The following DOP1B variants were observed in gnomAD, a reference collection of about 807,000 sequenced individuals.
DOP1B encodes the protein DOP1 leucine zipper like protein B.
DOP1B carries 174 observed loss-of-function variants against 233.5 expected under a neutral mutation model. The observed-to-expected ratio is 0.75, with a 90% confidence interval of 0.66 to 0.85. The LOEUF is 0.85. Ranked by LOEUF, DOP1B falls within the 40% of genes least tolerant of loss-of-function variation. The pLI is 0.00. For synonymous variants in DOP1B, 1,190 were observed against 1,185.6 expected (o/e 1.00, Z -0.08); for missense variants, 2,652 against 2,846.6 (o/e 0.93, Z 1.56).
chr21:36,281,266 A>C (rs1474633699), intron 31 of DOP1B, among the ~76,000 whole-genome samples: 1 of 152,250 alleles, frequency 6.6e-6, no homozygotes, highest in East Asian at 1.9e-4. Context: ...ACTGCACTCC[A>C]GGCTGGGTGA....
chr21:36,215,743 G>T (rs183303834), intron 9 of DOP1B, among the ~76,000 whole-genome samples: 1 of 150,056 alleles, frequency 6.7e-6, no homozygotes, highest in East Asian at 2.1e-4. Context: ...GACCAGGCAC[G>T]GTGGCTCACA....
chr21:36,252,761 C>T (rs1487444039), intron 22 of DOP1B, among the ~76,000 whole-genome samples: 3 of 152,170 alleles, frequency 2.0e-5, no homozygotes, highest in Non-Finnish European at 2.9e-5. Flanking sequence ...CCGCCTGCCT[C>T]GGCCTCCCAA....
chr21:36,275,425 G>A (rs189611753), intron 27 of DOP1B, among the ~76,000 whole-genome samples: 4 of 151,898 alleles, frequency 2.6e-5, no homozygotes, highest in East Asian at 2.0e-4. Flanking sequence ...CCAGGAGTTC[G>A]AGACCAGCCT....
At chr21:36,188,060 G>A (rs1204800938) in intron 2 of DOP1B, among the ~76,000 whole-genome samples, 2 of 152,216 alleles carry the variant, frequency 1.3e-5, no homozygotes. Context: ...GCAGAAGATG[G>A]AGTTAGCCTG....
At chr21:36,165,578 G>C (rs2065902655) in intron 2 of DOP1B, among the ~76,000 whole-genome samples, 1 of 152,152 alleles carries the variant, frequency 6.6e-6, no homozygotes, top group Non-Finnish European at 1.5e-5. Context: ...CACAGCAGGA[G>C]GTGAGCGGTG....
At position 36,166,418 on chromosome 21, in the gene DOP1B, C is replaced by A. The variant is rs570766974; in HGVS notation, c.138+1547C>A. On this transcript the variant is annotated intron_variant, in intron 2 of 36. Coordinates refer to ENST00000691173, the MANE Select transcript of DOP1B (RefSeq NM_001320714.2). ...CACCACTGCCCTCCATCCTGGGTGA[C>A]AGAGCAAGACTCCGTCTCAAAAAAA... 2.6e-4 allele frequency among the ~76,000 whole-genome samples: 40 copies of A among 151,048 alleles called. 1 individual carries two copies. In the South Asian group the frequency reaches 8.0e-3, roughly 30 times the overall value.
intron 15 of DOP1B, among the ~76,000 whole-genome samples, chr21:36,236,813 A>G (rs181877651): frequency 3.5e-4 from 39 of 112,154 alleles, no homozygotes; most frequent in Non-Finnish European, 5.3e-4. Flanking sequence ...GTCTCACTCT[A>G]TTGCCCAGGC....
intron 23 of DOP1B, among the ~76,000 whole-genome samples, chr21:36,254,381 G>C (rs2067068138): frequency 6.6e-6 from 1 of 152,150 alleles, no homozygotes; most frequent in South Asian, 2.1e-4. Context: ...GAGATGACTG[G>C]GAAAGGATGA....
chr21:36,163,365 A>G, intron 1 of DOP1B, among the ~76,000 whole-genome samples: 1 of 151,366 alleles, frequency 6.6e-6, no homozygotes, highest in Admixed American at 6.6e-5. Flanking sequence ...AAAAAGAAAG[A>G]AAGAAAGTAG....
At chr21:36,280,083 C>T (rs1287640125) in intron 30 of DOP1B, among the ~76,000 whole-genome samples, 4 of 152,230 alleles carry the variant, frequency 2.6e-5, no homozygotes, top group South Asian at 2.1e-4. Flanking sequence ...CCATGTTGCT[C>T]AGGCTGGTCT....
At chr21:36,263,518 G>A in intron 24 of DOP1B, 28 bp from the exon 25 acceptor site, 2 of 1,587,006 alleles carry the variant, frequency 1.3e-6, no homozygotes, top group Non-Finnish European at 1.7e-6. Flanking sequence ...TCGTGGTTGA[G>A]TATTTTTCCT....
At chr21:36,244,019 C>CTTTTTTTTTT (rs35020490) in intron 18 of DOP1B, among the ~76,000 whole-genome samples, 2 of 70,580 alleles carry the variant, frequency 2.8e-5, no homozygotes, top group African/African-American at 1.2e-4. Flanking sequence ...TTTTCCTTTC[C>CTTTTTTTTTT]TTTTTTTTTT....
Position 36,239,910 on chromosome 21 carries a change from A to G in DOP1B, c.3022A>G (p.Thr1008Ala), listed in dbSNP as rs998574739. 1.2e-6 allele frequency: 2 copies of G among 1,610,072 alleles called. No individual in the cohort carries two copies. The highest frequency in any genetic ancestry group is 2.7e-5 in the African/African-American group (2 of 74,752). Residue 1008 changes from threonine (T) to alanine (A), a missense_variant, in exon 18 of 37, where the codon ACC becomes GCC. By Grantham distance (58) the Thr-to-Ala change is moderately conservative. Around this residue, in one of 3 missense-constraint regions of DOP1B, gnomAD observed 2,617 missense variants for 2,794.3 expected, o/e 0.94. Coordinates refer to ENST00000691173, the MANE Select transcript of DOP1B (RefSeq NM_001320714.2). ...GCTCCTGCTGCTGCTGCAGCCAAAAACCCAGAGAACCTCCATCCACTGCCT... is the reference window on the plus strand; with the variant it reads ...GCTCCTGCTGCTGCTGCAGCCAAAAGCCCAGAGAACCTCCATCCACTGCCT... ...PVLLLLLQPK[T>A]QRTSIHCLKQ... is the part of the protein sequence containing the mutation.
chr21:36,284,665 C>CA (rs1043013445), intron 32 of DOP1B, among the ~76,000 whole-genome samples: 1 of 151,326 alleles, frequency 6.6e-6, no homozygotes, highest in African/African-American at 2.4e-5. Context: ...AAGCTAGAAC[C>CA]AAAAAAACAA....
At chr21:36,254,776 C>T (rs1467326452) in intron 23 of DOP1B, among the ~76,000 whole-genome samples, 2 of 152,170 alleles carry the variant, frequency 1.3e-5, no homozygotes, top group Non-Finnish European at 1.5e-5. Context: ...TGAGCTTTCT[C>T]GGACAAGTGT....
Position 36,237,271 on chromosome 21 carries a change from C to T in DOP1B, c.2632C>T (p.Arg878Cys), listed in dbSNP as rs2066838650. The change falls in exon 16 of 37, where the codon CGT becomes TGT. Residue 878 changes from arginine to cysteine, a missense_variant. Around this residue, in one of 3 missense-constraint regions of DOP1B, gnomAD observed 2,617 missense variants for 2,794.3 expected, o/e 0.94. Transcript: ENST00000691173. ...CTTTTCCTTGTCCCAGAGGGTGGCT[C>T]GTGTGCTTTGGAATCAGCTGAACAA... ...EKTDFYQRVA[R>C]VLWNQLNKET... is the part of the protein sequence containing the mutation. 3.7e-6 allele frequency: 6 copies of T among 1,614,110 alleles called. No individual in the cohort carries two copies. Among genetic ancestry groups the T allele is most frequent in the Middle Eastern group, 1.6e-4 (1 of 6,062 alleles).
chr21:36,196,467 AGTCT>A (rs562360800), intron 2 of DOP1B, among the ~76,000 whole-genome samples: 38 of 150,750 alleles, frequency 2.5e-4, no homozygotes, highest in African/African-American at 9.2e-4. Flanking sequence ...TGCTACCGTC[AGTCT>A]GTTTTCATCC....
Position 36,230,898 on chromosome 21 carries a change from C to T in DOP1B, c.2114C>T (p.Ser705Phe), listed in dbSNP as rs145155731. 4.8e-3 allele frequency: 7,801 copies of T among 1,614,138 alleles called. 20 individuals are homozygous for T. The highest frequency in any genetic ancestry group is 5.7e-3 in the Non-Finnish European group (6,670 of 1,180,012). Reference protein sequence around the residue: ...MLSDLFTARGSPFKTKSSESP... With the variant: ...MLSDLFTARGFPFKTKSSESP... ...TCAGACTTGTTCACAGCACGAGGGT[C>T]TCCATTCAAGACAAAAAGTTCAGAG... Residue 705 changes from serine (S) to phenylalanine (F), a missense_variant, in exon 14 of 37, where the codon TCT (serine) becomes TTT (phenylalanine). Around this residue, in one of 3 missense-constraint regions of DOP1B, gnomAD observed 2,617 missense variants for 2,794.3 expected, o/e 0.94. Coordinates refer to ENST00000691173, the MANE Select transcript of DOP1B (RefSeq NM_001320714.2).
At chr21:36,168,918 T>TA (rs1292017151) in intron 2 of DOP1B, 3 of 517,108 alleles carry the variant, frequency 5.8e-6, no homozygotes, top group Non-Finnish European at 1.0e-5. Context: ...TTAATAATTT[T>TA]AAAAAATAAC....
Sources: gnomAD v4.1 joint callset for allele counts (sites outside exome capture counted in the v4.1 genomes callset) on GRCh38, gnomAD v4.1.1 for gene constraint, gnomAD v4.1.1 regional missense constraint, MANE v1.5 for transcripts, NCBI Gene and HGNC (gene_info 2026-07-23, HGNC 2026-07-21) for gene names.